AXDND1: variants seen among roughly 807,000 people sequenced by gnomAD.
AXDND1 encodes the protein axonemal dynein light chain domain containing 1, also known as axonemal dynein light chain domain-containing protein 1.
A neutral mutation model predicts 137.5 loss-of-function variants in AXDND1; 110 were observed. That is an observed-to-expected ratio of 0.80 (90% CI 0.69 to 0.94). The LOEUF (loss-of-function observed/expected upper bound fraction) is 0.94, where lower values mean the gene tolerates loss of function less well. Ranked by LOEUF, AXDND1 falls within the 40% of genes least tolerant of loss-of-function variation. The pLI is 0.00. For synonymous variants in AXDND1, 414 were observed against 399.7 expected (o/e 1.04, Z -0.43); for missense variants, 1,191 against 1,169.8 (o/e 1.02, Z -0.26).
intron 18 of AXDND1, among the ~76,000 whole-genome samples, chr1:179,486,129 A>AC (rs1666020517): frequency 3.7e-5 from 4 of 108,070 alleles, no homozygotes; most frequent in Admixed American, 1.0e-4. Context: ...CAAAAAAAAA[A>AC]AAAAAAAAAA....
intron 12 of AXDND1, among the ~76,000 whole-genome samples, chr1:179,418,960 G>T (rs1490783161): frequency 6.7e-6 from 1 of 149,216 alleles, no homozygotes; most frequent in Non-Finnish European, 1.5e-5. Context: ...GGGCAGAGGC[G>T]CTCCTCACAT....
intron 16 of AXDND1, among the ~76,000 whole-genome samples, chr1:179,466,812 A>G (rs1663265795): frequency 6.6e-6 from 1 of 152,214 alleles, no homozygotes; most frequent in Non-Finnish European, 1.5e-5. Context: ...ACTATATTAC[A>G]TAAGAAGGAT....
intron 2 of AXDND1, 126 bp downstream of exon 2, chr1:179,366,732 T>TG: frequency 1.3e-6 from 1 of 754,856 alleles, no homozygotes. Flanking sequence ...CTAACACACT[T>TG]GCTTAAATAA....
intron 17 of AXDND1, among the ~76,000 whole-genome samples, chr1:179,482,186 A>G (rs1224404290): frequency 1.4e-5 from 2 of 146,404 alleles, no homozygotes; most frequent in Non-Finnish European, 3.0e-5. Context: ...GGTAGAGACA[A>G]TGGAAAGCTT....
rs1020393057 is a variant in AXDND1 at position 179,483,110 on chromosome 1, A to T, written c.1998-18A>T. The T allele has an allele frequency of 2.0e-6, 3 of 1,498,912 alleles. No individual in the cohort carries two copies. Among genetic ancestry groups the T allele is most frequent in the African/African-American group, 2.8e-5 (2 of 71,254 alleles). 92.9% of individuals were successfully genotyped at this position (1,498,912 alleles called of 1,614,324 possible). On this transcript the variant is annotated intron_variant, in intron 17 of 25. Coordinates refer to ENST00000367618, the MANE Select transcript of AXDND1 (RefSeq NM_144696.6). ...TAAATCAGCCAGTCACTTTTATTTTACTTGATTTTTCCTTCAGGGTACTCC... is the reference window on the plus strand; with the variant it reads ...TAAATCAGCCAGTCACTTTTATTTTTCTTGATTTTTCCTTCAGGGTACTCC...
intron 16 of AXDND1, 74 bp downstream of exon 16, chr1:179,445,278 A>G (rs1202306523): frequency 4.8e-6 from 5 of 1,052,432 alleles, no homozygotes; most frequent in African/African-American, 1.6e-5. Context: ...AATACAATGA[A>G]TATTTAAAAT....
chr1:179,398,514 C>G (rs1651421203), intron 11 of AXDND1, among the ~76,000 whole-genome samples: 1 of 152,092 alleles, frequency 6.6e-6, no homozygotes, highest in South Asian at 2.1e-4. Context: ...GGTGCATTCT[C>G]ATTGGCTGCA....
At chr1:179,554,302 A>G (rs1673753631) in intron 25 of AXDND1, among the ~76,000 whole-genome samples, 2 of 152,192 alleles carry the variant, frequency 1.3e-5, no homozygotes, top group Admixed American at 6.5e-5. Flanking sequence ...TCCAAATGTT[A>G]TAGTGATTGT....
chr1:179,534,734 G>T lies in AXDND1; in HGVS notation c.2803G>T (p.Val935Phe). The T allele has an allele frequency of 6.3e-7, 1 of 1,576,280 alleles. No homozygotes were observed. The highest frequency in any genetic ancestry group is 8.5e-7 in the Non-Finnish European group (1 of 1,170,412). ...GTGTCTTCTCTTCCATATCAGGGAGGTTGAAAATAGAGCCAGACAGGCAGA... is the reference window on the plus strand; with the variant it reads ...GTGTCTTCTCTTCCATATCAGGGAGTTTGAAAATAGAGCCAGACAGGCAGA... ...IEHMQEKLLE[V>F]ENRARQAEEK... Residue 935 changes from valine (V) to phenylalanine (F), a missense_variant, in exon 25 of 26, where the codon GTT (valine) becomes TTT (phenylalanine). Val to Phe is a conservative substitution (Grantham distance 50). Transcript: ENST00000367618.
At chr1:179,386,065 T>A (rs1001986389) in intron 9 of AXDND1, among the ~76,000 whole-genome samples, 1 of 147,086 alleles carries the variant, frequency 6.8e-6, no homozygotes, top group Non-Finnish European at 1.5e-5. Flanking sequence ...TTTTTTTTTT[T>A]TTTTTTGAGA....
At chr1:179,426,149 G>T (rs1314126093) in intron 12 of AXDND1, among the ~76,000 whole-genome samples, 1 of 152,026 alleles carries the variant, frequency 6.6e-6, no homozygotes, top group Non-Finnish European at 1.5e-5. Flanking sequence ...CTCTTTCTAA[G>T]TATGACGGGA....
At chr1:179,416,948 T>C (rs1654802030) in intron 12 of AXDND1, among the ~76,000 whole-genome samples, 1 of 152,218 alleles carries the variant, frequency 6.6e-6, no homozygotes, top group Non-Finnish European at 1.5e-5. Flanking sequence ...TCCTTGCATA[T>C]ACGGCCCTTT....
At chr1:179,415,296 C>T (rs375068187) in intron 12 of AXDND1, among the ~76,000 whole-genome samples, 9 of 152,150 alleles carry the variant, frequency 5.9e-5, no homozygotes, top group South Asian at 2.1e-4. Flanking sequence ...GAGCCGAGAT[C>T]GCACCACTGC....
intron 20 of AXDND1, among the ~76,000 whole-genome samples, chr1:179,500,377 G>GTT (rs1667879267): frequency 6.7e-6 from 1 of 149,990 alleles, no homozygotes; most frequent in Admixed American, 6.6e-5. Context: ...GTGTGTGTGT[G>GTT]TGTGTATTGC....
chr1:179,471,600 C>T (rs1322345047), intron 17 of AXDND1, among the ~76,000 whole-genome samples: 1 of 152,164 alleles, frequency 6.6e-6, no homozygotes, highest in East Asian at 1.9e-4. Flanking sequence ...CTCTATTTCT[C>T]CTGGTCAACT....
At chr1:179,379,542 C>A in intron 6 of AXDND1, 60 bp downstream of exon 6, 1 of 1,581,778 alleles carries the variant, frequency 6.3e-7, no homozygotes, top group Non-Finnish European at 8.6e-7. Flanking sequence ...GCCTGTAATC[C>A]CAGCACTTTG....
intron 21 of AXDND1, among the ~76,000 whole-genome samples, chr1:179,510,258 C>T (rs1668909834): frequency 6.6e-6 from 1 of 152,112 alleles, no homozygotes; most frequent in East Asian, 1.9e-4. Flanking sequence ...AAATCAGTGA[C>T]TATCATGTGC....
At chr1:179,518,150 A>G (rs898202389) in intron 21 of AXDND1, among the ~76,000 whole-genome samples, 3 of 152,176 alleles carry the variant, frequency 2.0e-5, no homozygotes, top group South Asian at 2.1e-4. Flanking sequence ...TAAATGTAAT[A>G]TGTCTCCTCG....
intron 17 of AXDND1, among the ~76,000 whole-genome samples, chr1:179,480,471 G>A (rs191821926): frequency 6.6e-6 from 1 of 152,292 alleles, no homozygotes; most frequent in African/African-American, 2.4e-5. Context: ...CCCACAACAT[G>A]AGGGAATTAT....
Sources: gnomAD v4.1 joint callset for allele counts (sites outside exome capture counted in the v4.1 genomes callset) on GRCh38, gnomAD v4.1.1 for gene constraint, MANE v1.5 for transcripts, NCBI Gene and HGNC (gene_info 2026-07-23, HGNC 2026-07-21) for gene names.